VIRMA: variants seen among roughly 807,000 people sequenced by gnomAD.
VIRMA encodes the protein protein virilizer homolog.
In VIRMA, 65 loss-of-function variants were observed where a neutral mutation model predicts 182.4. The observed-to-expected ratio is 0.36, with a 90% CI of 0.29 to 0.44. The LOEUF is 0.44. VIRMA is among the 20% of genes least tolerant of loss of function. VIRMA has a pLI of 1.00. For synonymous variants in VIRMA, 709 were observed against 743.1 expected (o/e 0.95, Z 0.75); for missense variants, 1,752 against 2,158.1 (o/e 0.81, Z 3.73).
chr8:94,529,775 G>A (rs1441345072), intron 6 of VIRMA, among the ~76,000 whole-genome samples: 2 of 152,020 alleles, frequency 1.3e-5, no homozygotes, highest in African/African-American at 4.8e-5. Flanking sequence ...GAGTAGCTGG[G>A]ATTACAGGCG....
chr8:94,541,977 G>T (rs955763772), intron 2 of VIRMA, among the ~76,000 whole-genome samples: 1 of 152,162 alleles, frequency 6.6e-6, no homozygotes, highest in Non-Finnish European at 1.5e-5. Context: ...CTCCAGCTAA[G>T]AAAAAGGAAG....
At chr8:94,528,993 T>C in intron 7 of VIRMA, 77 bp downstream of exon 7, 3 of 1,553,614 alleles carry the variant, frequency 1.9e-6, no homozygotes, top group Non-Finnish European at 1.7e-6. Flanking sequence ...TTGCTAGAAA[T>C]TCTTTTGCAT....
At chr8:94,500,074 A>T (rs1284218206) in intron 16 of VIRMA, among the ~76,000 whole-genome samples, 1 of 144,656 alleles carries the variant, frequency 6.9e-6, no homozygotes, top group African/African-American at 2.6e-5. Flanking sequence ...AAAAAAAAAA[A>T]CTTAACACAG....
At chr8:94,521,511 T>C (rs1296786344) in intron 8 of VIRMA, among the ~76,000 whole-genome samples, 1 of 152,186 alleles carries the variant, frequency 6.6e-6, no homozygotes, top group East Asian at 1.9e-4. Flanking sequence ...GACTACAAGA[T>C]AGAACCAGCT....
chr8:94,516,257 G>C (rs1297466567), intron 10 of VIRMA, among the ~76,000 whole-genome samples: 3 of 152,194 alleles, frequency 2.0e-5, no homozygotes, highest in Non-Finnish European at 4.4e-5. Flanking sequence ...CCCAAGGGGA[G>C]ATATTTTGCT....
chr8:94,492,593 T>G, intron 21 of VIRMA, 59 bp downstream of exon 21: 4 of 1,485,788 alleles, frequency 2.7e-6, no homozygotes, highest in Non-Finnish European at 3.7e-6. Context: ...TCTTAAAATA[T>G]ACTAAAATAC....
At chr8:94,509,962 T>C (rs750959276) in intron 14 of VIRMA, 22 bp from the exon 15 acceptor site, 7 of 1,582,172 alleles carry the variant, frequency 4.4e-6, no homozygotes, top group Non-Finnish European at 5.1e-6. Context: ...TCGATACATT[T>C]AGTAAACAAA....
rs373979206 is a variant in VIRMA, at chr8:94,517,830, A to G, written c.2626T>C (p.Leu876=). 6.4e-5 allele frequency: 103 copies of G among 1,612,086 alleles called. No individual in the cohort carries two copies. The Middle Eastern group carries it at 1.5e-3, about 23-fold the overall frequency. ...QMLEQHAASL[L]KLCKADENNA... ...TTTTCATCTGCTTTACAAAGCTTCA[A>G]GAGAGATGCTGCATGTTGTTCTAGC... The change falls in exon 10 of 24, where the codon TTG becomes CTG. Residue 876 remains leucine, a synonymous_variant. Coordinates refer to ENST00000297591, the MANE Select transcript of VIRMA (RefSeq NM_015496.5).
intron 20 of VIRMA, among the ~76,000 whole-genome samples, chr8:94,494,591 C>CAAAAAAAA (rs1175058697): frequency 9.3e-5 from 4 of 42,928 alleles, no homozygotes; most frequent in African/African-American, 2.0e-4. Flanking sequence ...GACTCTGTCT[C>CAAAAAAAA]AAAAAAAAAA....
In VIRMA at chr8:94,535,423, A is replaced by G. The variant is rs1339295090; in HGVS notation, c.316-416T>C. 1.3e-5 allele frequency among the ~76,000 whole-genome samples: 2 copies of G among 152,230 alleles called. 1 individual carries two copies. Among genetic ancestry groups the G allele is most frequent in the Non-Finnish European group, 2.9e-5 (2 of 68,038 alleles). On this transcript the variant is annotated intron_variant, in intron 4 of 23. Transcript: ENST00000297591. ...AATGATAAAGTCCATAAAACTACAT[A>G]GCATTCTTCTCAGAAGCCAAATTCA...
Position 94,511,233 on chromosome 8 carries a change from T to C in VIRMA, c.3342A>G (p.Ile1114Met). ...GAAGAGGCAGCAGCTCTGAAAGGAG[T>C]ATGAGTCCAGAAAAAAATCCTTCAG... ...KVPEGFFSGL[I>M]LLSELLPLPL... Residue 1114 changes from isoleucine (I) to methionine (M), a missense_variant, in exon 13 of 24, where the codon ATA (isoleucine) becomes ATG (methionine). By Grantham distance (10) the Ile-to-Met change is conservative. Around this residue, in one of 11 missense-constraint regions of VIRMA, gnomAD observed 777 missense variants for 920.6 expected, o/e 0.84. Coordinates refer to ENST00000297591, the MANE Select transcript of VIRMA (RefSeq NM_015496.5). 1 of 1,614,002 alleles carries C rather than the reference T, an allele frequency of 6.2e-7. No individual in the cohort carries two copies. Among genetic ancestry groups the C allele is most frequent in the Non-Finnish European group, 8.5e-7 (1 of 1,179,996 alleles).
At chr8:94,547,653 G>A (rs780753345) in intron 1 of VIRMA, among the ~76,000 whole-genome samples, 1 of 150,226 alleles carries the variant, frequency 6.7e-6, no homozygotes, top group Non-Finnish European at 1.5e-5. Context: ...CTTCCACACT[G>A]GAAAGTACTA....
intron 14 of VIRMA, 23 bp downstream of exon 14, chr8:94,510,394 T>A (rs567525569): frequency 6.3e-6 from 10 of 1,584,404 alleles, no homozygotes; most frequent in East Asian, 4.5e-5. Context: ...GAGGAAAAAA[T>A]TTTTAATGCA....
intron 8 of VIRMA, among the ~76,000 whole-genome samples, chr8:94,525,525 C>T (rs1215051823): frequency 6.6e-6 from 1 of 152,220 alleles, no homozygotes; most frequent in Non-Finnish European, 1.5e-5. Context: ...AGGTTTTAGA[C>T]TGGACACATA....
chr8:94,546,145 A>C (rs3102871), intron 1 of VIRMA, among the ~76,000 whole-genome samples: 18,880 of 150,914 alleles, frequency 0.13, 2,357 homozygotes, highest in African/African-American at 0.26. Context: ...AGCAGAGAAG[A>C]GTAGCTAAGA....
At chr8:94,497,394 T>C (rs1208118054) in intron 17 of VIRMA, 2 of 152,354 alleles carry the variant, frequency 1.3e-5, no homozygotes, top group Middle Eastern at 3.1e-3. Context: ...TGAGCCACCT[T>C]GCCTAACCTG....
chr8:94,538,594 T>C (rs1339413594), intron 2 of VIRMA, among the ~76,000 whole-genome samples: 1 of 152,208 alleles, frequency 6.6e-6, no homozygotes, highest in African/African-American at 2.4e-5. Flanking sequence ...ACTTTTTGCA[T>C]GCTATCACTA....
At position 94,526,415 on chromosome 8, in the gene VIRMA, T is replaced by C. The variant is rs914248209; in HGVS notation, c.1829A>G (p.Asp610Gly). 4.3e-6 allele frequency: 7 copies of C among 1,613,726 alleles called. No individual in the cohort carries two copies. Among genetic ancestry groups the C allele is most frequent in the Non-Finnish European group, 5.9e-6 (7 of 1,179,954 alleles). ...EYENEVEASM[D>G]MDLLESSNIS... ...ATTTGAGGATTCCAAAAGATCCATATCCATAGAAGCTTCCACCTCATTTTC... is the reference window on the plus strand; with the variant it reads ...ATTTGAGGATTCCAAAAGATCCATACCCATAGAAGCTTCCACCTCATTTTC... Residue 610 changes from aspartate to glycine, a missense_variant, in exon 8 of 24, where the codon GAT becomes GGT. Transcript: ENST00000297591.
At chr8:94,506,214 A>C (rs1469587814) in intron 16 of VIRMA, among the ~76,000 whole-genome samples, 1 of 152,220 alleles carries the variant, frequency 6.6e-6, no homozygotes, top group Non-Finnish European at 1.5e-5. Flanking sequence ...AAAGACCTTA[A>C]GGCATGAATT....
Sources: gnomAD v4.1 joint callset for allele counts (sites outside exome capture counted in the v4.1 genomes callset) on GRCh38, gnomAD v4.1.1 for gene constraint, gnomAD v4.1.1 regional missense constraint, MANE v1.5 for transcripts, NCBI Gene and HGNC (gene_info 2026-07-23, HGNC 2026-07-21) for gene names.